CSMD1: variants seen among roughly 807,000 people sequenced by gnomAD.
CSMD1 encodes CUB and Sushi multiple domains 1, also known as CUB and sushi domain-containing protein 1.
CSMD1 carries 213 observed loss-of-function variants against 417.5 expected under a neutral mutation model. That is an observed-to-expected ratio of 0.51 (90% CI 0.46 to 0.57). CSMD1 has a LOEUF of 0.57. CSMD1 is among the 20% of genes least tolerant of loss of function. CSMD1 has a pLI of 0.00. For synonymous variants in CSMD1, 2,862 were observed against 1,736.8 expected (o/e 1.65, Z -16.11); for missense variants, 6,923 against 4,529.7 (o/e 1.53, Z -15.17).
At chr8:3,790,567 T>C (rs142098335) in intron 5 of CSMD1, among the ~76,000 whole-genome samples, 210 of 152,254 alleles carry the variant, frequency 1.4e-3, no homozygotes, top group African/African-American at 4.9e-3. Flanking sequence ...CTAGGAACAA[T>C]CATAATTTTT....
Position 4,920,970 on chromosome 8 carries a change from GAAA to G in CSMD1, c.85+73359_85+73361del, listed in dbSNP as rs1806436022. On this transcript the variant is annotated intron_variant, in intron 1 of 69. Transcript: ENST00000635120. ...AGAAAGAAAGAAAGAAAGAAAGAAA[GAAA>G]GAAAGAAACAAAGAAAGAAAGAAAA... 2.0e-4 allele frequency among the ~76,000 whole-genome samples: 9 copies of G among 45,064 alleles called. 2 individuals are homozygous for G. Among genetic ancestry groups the G allele is most frequent in the South Asian group, 2.1e-3 (2 of 942 alleles). 29.6% of individuals were successfully genotyped at this position (45,064 alleles called of 152,430 possible).
At chr8:4,182,502 C>T (rs1195003443) in intron 3 of CSMD1, among the ~76,000 whole-genome samples, 2 of 152,116 alleles carry the variant, frequency 1.3e-5, no homozygotes, top group South Asian at 2.1e-4. Context: ...ACATTATTAG[C>T]GAAATGTTGG....
chr8:4,552,350 G>C (rs569653140), intron 2 of CSMD1, among the ~76,000 whole-genome samples: 2 of 149,080 alleles, frequency 1.3e-5, no homozygotes, highest in African/African-American at 2.5e-5. Context: ...TTTTTCTTTT[G>C]GCTTCTGTGA....
In CSMD1 at chr8:4,944,531, G is replaced by A. The variant is rs11986688; in HGVS notation, c.85+49801C>T. On this transcript the variant is annotated intron_variant, in intron 1 of 69. Transcript: ENST00000635120. Reference sequence around the variant, plus strand: ...AACACATCAGAGACTCAGACTCAGAGGCAGTTACTAAAAGGAGTCTACAGT... The same window carrying A: ...AACACATCAGAGACTCAGACTCAGAAGCAGTTACTAAAAGGAGTCTACAGT... Among the ~76,000 whole-genome samples the A allele has an allele frequency of 5.1e-3, 781 of 152,202 alleles. 7 individuals are homozygous for A. Among genetic ancestry groups the A allele is most frequent in the African/African-American group, 0.018 (755 of 41,526 alleles).
chr8:3,410,982 G>C (rs1443601174), intron 12 of CSMD1, among the ~76,000 whole-genome samples: 1 of 152,128 alleles, frequency 6.6e-6, no homozygotes, highest in Non-Finnish European at 1.5e-5. Context: ...TCAGCCCTTC[G>C]AAAAGGAGAT....
At chr8:3,395,068 C>T (rs1811604509) in intron 17 of CSMD1, among the ~76,000 whole-genome samples, 1 of 151,856 alleles carries the variant, frequency 6.6e-6, no homozygotes, top group South Asian at 2.1e-4. Context: ...GAGAGGGTAA[C>T]AAGAGTAATA....
intron 2 of CSMD1, among the ~76,000 whole-genome samples, chr8:4,532,462 T>TTCACAGTCACTCTGGAAGAGAAATCCC (rs1796874957): frequency 7.1e-6 from 1 of 141,812 alleles, no homozygotes; most frequent in Non-Finnish European, 1.5e-5. Context: ...AGAGAAATCC[T>TTCACAGTCACTCTGGAAGAGAAATCCC]GCACCCCCAT....
intron 4 of CSMD1, among the ~76,000 whole-genome samples, chr8:4,014,088 C>G (rs1009401511): frequency 6.6e-6 from 1 of 152,140 alleles, no homozygotes; most frequent in Non-Finnish European, 1.5e-5. Flanking sequence ...AGCATCATTT[C>G]AATGCCCTCA....
At chr8:3,856,206 G>T (rs146817705) in intron 5 of CSMD1, among the ~76,000 whole-genome samples, 1 of 151,912 alleles carries the variant, frequency 6.6e-6, no homozygotes, top group Non-Finnish European at 1.5e-5. Flanking sequence ...TCTCATGATA[G>T]AGTTCTCATA....
At chr8:4,166,026 C>G (rs1180273376) in intron 3 of CSMD1, among the ~76,000 whole-genome samples, 2 of 152,156 alleles carry the variant, frequency 1.3e-5, no homozygotes, top group East Asian at 1.9e-4. Context: ...ATATCCTTTT[C>G]TTGACCTTAT....
At chr8:4,065,619 T>G (rs1248594962) in intron 3 of CSMD1, among the ~76,000 whole-genome samples, 1 of 152,146 alleles carries the variant, frequency 6.6e-6, no homozygotes, top group African/African-American at 2.4e-5. Context: ...GACTCATGAA[T>G]GAAGCTCATG....
intron 5 of CSMD1, among the ~76,000 whole-genome samples, chr8:3,760,101 T>C (rs552039592): frequency 6.6e-6 from 1 of 151,836 alleles, no homozygotes; most frequent in African/African-American, 2.4e-5. Flanking sequence ...GGTTGAGAAG[T>C]GAGAAAAAGA....
chr8:3,768,578 T>C (rs1250845003), intron 5 of CSMD1, among the ~76,000 whole-genome samples: 1 of 152,204 alleles, frequency 6.6e-6, no homozygotes, highest in East Asian at 1.9e-4. Flanking sequence ...ACAAGAGTAC[T>C]TTAAGTTCAA....
At chr8:3,295,162 T>C (rs1007544385) in intron 25 of CSMD1, among the ~76,000 whole-genome samples, 5 of 152,108 alleles carry the variant, frequency 3.3e-5, no homozygotes, top group Non-Finnish European at 7.3e-5. Context: ...TCTTGCTTTG[T>C]TGCCCAGGTT....
intron 26 of CSMD1, among the ~76,000 whole-genome samples, chr8:3,283,209 T>A (rs570118232): frequency 2.6e-5 from 4 of 152,122 alleles, no homozygotes; most frequent in Non-Finnish European, 5.9e-5. Flanking sequence ...CGGACCGTCC[T>A]GAACCGGGAA....
chr8:3,948,128 C>G (rs1331485054), intron 5 of CSMD1, among the ~76,000 whole-genome samples: 1 of 152,134 alleles, frequency 6.6e-6, no homozygotes, highest in Non-Finnish European at 1.5e-5. Context: ...ACTGCTTTAA[C>G]CGAGAGGCTT....
chr8:4,802,884 G>A (rs78182829), intron 1 of CSMD1, among the ~76,000 whole-genome samples: 9,729 of 152,158 alleles, frequency 0.064, 491 homozygotes, highest in East Asian at 0.23. Context: ...TGTCATATCC[G>A]TGTGTTTTCA....
intron 3 of CSMD1, among the ~76,000 whole-genome samples, chr8:4,055,992 T>C (rs374830532): frequency 2.0e-4 from 31 of 152,170 alleles, no homozygotes; most frequent in African/African-American, 7.0e-4. Flanking sequence ...TAGAAGGCTC[T>C]GTTATGGAAA....
At chr8:3,818,112 G>A (rs2623633) in intron 5 of CSMD1, among the ~76,000 whole-genome samples, 51,995 of 151,792 alleles carry the variant, frequency 0.34, 9,104 homozygotes, top group Middle Eastern at 0.36. Context: ...TATTCCCTGA[G>A]AGCCCAGGAC....
Sources: gnomAD v4.1 joint callset for allele counts (sites outside exome capture counted in the v4.1 genomes callset) on GRCh38, gnomAD v4.1.1 for gene constraint, MANE v1.5 for transcripts, NCBI Gene and HGNC (gene_info 2026-07-23, HGNC 2026-07-21) for gene names.